SBF2: variants seen among roughly 807,000 people sequenced by gnomAD.
SBF2 encodes the protein myotubularin-related protein 13.
A neutral mutation model predicts 225.2 loss-of-function variants in SBF2; 112 were observed. That is an observed-to-expected ratio of 0.50 (90% CI 0.43 to 0.58). The LOEUF is 0.58. SBF2 is among the 20% of genes least tolerant of loss of function. SBF2 has a pLI of 0.00. For missense variants in SBF2, 1,996 were observed against 2,206.2 expected (o/e 0.90, Z 1.91); for synonymous variants, 763 against 773.3 (o/e 0.99, Z 0.22).
chr11:10,291,585 T>C (rs1383556167), intron 1 of SBF2, among the ~76,000 whole-genome samples: 1 of 152,066 alleles, frequency 6.6e-6, no homozygotes, highest in Admixed American at 6.6e-5. Context: ...CTCAAGCCAG[T>C]GCTTCGGGCA....
intron 22 of SBF2, among the ~76,000 whole-genome samples, chr11:9,849,769 G>T (rs1856794772): frequency 6.6e-6 from 1 of 152,202 alleles, no homozygotes. Flanking sequence ...TCTGCCTCAT[G>T]AAATGAAATT....
chr11:9,808,272 G>A (rs1444922563), intron 31 of SBF2, 87 bp from the exon 32 acceptor site: 1 of 1,150,226 alleles, frequency 8.7e-7, no homozygotes, highest in Admixed American at 1.9e-5. Context: ...TCTGATGATA[G>A]CTAATTCACA....
intron 2 of SBF2, among the ~76,000 whole-genome samples, chr11:10,158,409 A>G (rs961293403): frequency 4.6e-5 from 7 of 152,106 alleles, no homozygotes; most frequent in African/African-American, 1.7e-4. Flanking sequence ...GTTTTTTGAA[A>G]AGACAAGCAA....
At chr11:10,078,852 C>A (rs1260408645) in intron 2 of SBF2, among the ~76,000 whole-genome samples, 1 of 152,158 alleles carries the variant, frequency 6.6e-6, no homozygotes, top group East Asian at 1.9e-4. Context: ...CTACTACCAA[C>A]ACCACACCCT....
intron 2 of SBF2, among the ~76,000 whole-genome samples, chr11:10,055,702 TTAAG>T (rs1406067431): frequency 5.3e-5 from 8 of 152,106 alleles, no homozygotes; most frequent in Non-Finnish European, 7.4e-5. Context: ...TTTTTTACTT[TTAAG>T]TAAGAGCTAA....
chr11:9,954,780 T>C (rs1391521088), intron 16 of SBF2, among the ~76,000 whole-genome samples: 1 of 152,160 alleles, frequency 6.6e-6, no homozygotes, highest in African/African-American at 2.4e-5. Flanking sequence ...TATCTGCTAT[T>C]CTATAAGTGC....
At chr11:10,219,598 CA>C (rs1237832715) in intron 1 of SBF2, among the ~76,000 whole-genome samples, 2 of 152,190 alleles carry the variant, frequency 1.3e-5, no homozygotes, top group Admixed American at 1.3e-4. Flanking sequence ...TTTTCTATTG[CA>C]TTGTCAGGCT....
intron 16 of SBF2, 36 bp downstream of exon 16, chr11:9,961,921 A>G: frequency 6.3e-7 from 1 of 1,594,110 alleles, no homozygotes; most frequent in Non-Finnish European, 8.6e-7. Context: ...AAGTATTCTC[A>G]AATAAGAGGA....
chr11:10,105,874 G>A (rs1473016513), intron 2 of SBF2, among the ~76,000 whole-genome samples: 1 of 152,206 alleles, frequency 6.6e-6, no homozygotes, highest in East Asian at 1.9e-4. Flanking sequence ...ATCAGTGATA[G>A]CTGACAGAGG....
chr11:10,288,175 T>C (rs1726372108), intron 1 of SBF2, among the ~76,000 whole-genome samples: 1 of 152,172 alleles, frequency 6.6e-6, no homozygotes, highest in South Asian at 2.1e-4. Flanking sequence ...CTCCCTTCCT[T>C]CACCTGCAAC....
intron 32 of SBF2, 92 bp from the exon 33 acceptor site, chr11:9,796,049 G>C (rs1202750737): frequency 2.4e-6 from 3 of 1,258,880 alleles, no homozygotes; most frequent in East Asian, 2.4e-5. Flanking sequence ...ACATGCAGGA[G>C]ACCATTCAGT....
chr11:9,844,652 C>T (rs1389539001), intron 24 of SBF2, among the ~76,000 whole-genome samples: 1 of 152,110 alleles, frequency 6.6e-6, no homozygotes, highest in Non-Finnish European at 1.5e-5. Flanking sequence ...AAAAAAGGAT[C>T]ATTAACACAA....
chr11:9,998,267 A>G lies in SBF2; in HGVS notation c.974T>C (p.Leu325Ser). The stretch of plus-strand genomic sequence containing the variant: ...TACTATTACAAAAATATGTCATACC[A>G]AAGAAAGAGCTGATTGAGTCTGATG... ...LLHQTQSALSLILHPDLEVAD... is the reference protein window; with the variant it reads ...LLHQTQSALSSILHPDLEVAD... The change falls in exon 9 of 40, where the codon TTG becomes TCG. Residue 325 changes from leucine (L) to serine (S), a missense_variant and splice_region_variant. Coordinates refer to ENST00000256190, the MANE Select transcript of SBF2 (RefSeq NM_030962.4). 6.5e-7 allele frequency: 1 copy of G among 1,542,064 alleles called. No individual in the cohort carries two copies. Among genetic ancestry groups the G allele is most frequent in the Non-Finnish European group, 9.0e-7 (1 of 1,115,100 alleles).
intron 2 of SBF2, among the ~76,000 whole-genome samples, chr11:10,088,213 C>T (rs1489715694): frequency 1.3e-5 from 2 of 151,774 alleles, no homozygotes; most frequent in East Asian, 3.9e-4. Flanking sequence ...TTAGTAAAGA[C>T]AAGGTTTTGC....
chr11:10,209,472 G>A (rs1957859306), intron 1 of SBF2, among the ~76,000 whole-genome samples: 1 of 151,992 alleles, frequency 6.6e-6, no homozygotes. Flanking sequence ...TTGTTTATCT[G>A]TCCAAACAAG....
intron 2 of SBF2, among the ~76,000 whole-genome samples, chr11:10,183,640 G>C (rs1022072220): frequency 6.6e-6 from 1 of 152,190 alleles, no homozygotes; most frequent in African/African-American, 2.4e-5. Context: ...ATATCCAGTT[G>C]TTCTAGCACC....
At chr11:9,820,090 T>C (rs990179562) in intron 28 of SBF2, among the ~76,000 whole-genome samples, 9 of 152,216 alleles carry the variant, frequency 5.9e-5, no homozygotes, top group Admixed American at 3.3e-4. Context: ...TTTATGATGA[T>C]GGCAAACCAA....
At chr11:9,952,789 T>A (rs1590588326) in intron 16 of SBF2, among the ~76,000 whole-genome samples, 1 of 152,206 alleles carries the variant, frequency 6.6e-6, no homozygotes, top group African/African-American at 2.4e-5. Context: ...GAAATATTCC[T>A]CAGTTTTCAA....
chr11:10,022,244 G>C (rs1468005833), intron 6 of SBF2, among the ~76,000 whole-genome samples: 1 of 151,996 alleles, frequency 6.6e-6, no homozygotes, highest in Non-Finnish European at 1.5e-5. Flanking sequence ...TAAACAAACA[G>C]GGGAAAAAAG....
Sources: allele counts gnomAD v4.1 joint callset (sites outside exome capture counted in the v4.1 genomes callset), GRCh38; gene constraint gnomAD v4.1.1; transcripts MANE v1.5; gene names NCBI Gene and HGNC (gene_info 2026-07-23, HGNC 2026-07-21).